The following FHIT variants were observed in gnomAD, a reference collection of about 807,000 sequenced individuals.
The protein encoded by FHIT is fragile histidine triad diadenosine triphosphatase, also known as bis(5'-adenosyl)-triphosphatase.
A neutral mutation model predicts 17.9 loss-of-function variants in FHIT; 19 were observed. The ratio of observed to expected loss-of-function variants is 1.06; its 90% CI spans 0.74 to 1.56. FHIT has a LOEUF of 1.56. Ranked by LOEUF, FHIT falls within the 40% of genes most tolerant of loss-of-function variation. The pLI is 0.00. For missense variants in FHIT, 248 were observed against 189.2 expected, an observed-to-expected ratio of 1.31 and a Z score of -1.82; for synonymous variants, 81 against 69.7, an observed-to-expected ratio of 1.16 and a Z score of -0.81.
chr3:60,951,549 G>A (rs923357811), intron 3 of FHIT, among the ~76,000 whole-genome samples: 1 of 152,188 alleles, frequency 6.6e-6, no homozygotes, highest in Non-Finnish European at 1.5e-5. Context: ...TAATGGTGAA[G>A]CCAGGACTGG....
chr3:60,996,879 T>C (rs1396749404), intron 3 of FHIT, among the ~76,000 whole-genome samples: 2 of 152,274 alleles, frequency 1.3e-5, no homozygotes, highest in African/African-American at 2.4e-5. Flanking sequence ...GTTTGGCATA[T>C]GCCGTATTTA....
chr3:60,051,063 C>A (rs917976192), intron 5 of FHIT, among the ~76,000 whole-genome samples: 4 of 152,084 alleles, frequency 2.6e-5, no homozygotes, highest in Admixed American at 2.0e-4. Context: ...AATTATAACA[C>A]GGGGCATCAA....
intron 3 of FHIT, among the ~76,000 whole-genome samples, chr3:60,939,512 C>T (rs1708323187): frequency 6.6e-6 from 1 of 152,052 alleles, no homozygotes; most frequent in African/African-American, 2.4e-5. Flanking sequence ...CACAGACTTC[C>T]TATTTTTAAA....
At chr3:59,908,569 G>A (rs1704692958) in intron 8 of FHIT, among the ~76,000 whole-genome samples, 1 of 152,114 alleles carries the variant, frequency 6.6e-6, no homozygotes, top group Admixed American at 6.5e-5. Flanking sequence ...ACAAGGACCA[G>A]GCAAAGTGGA....
intron 2 of FHIT, among the ~76,000 whole-genome samples, chr3:61,063,758 T>C (rs958505023): frequency 2.0e-5 from 3 of 152,116 alleles, no homozygotes; most frequent in African/African-American, 4.8e-5. Flanking sequence ...AATACTCTCA[T>C]GTGTGTATGT....
chr3:60,394,436 T>C (rs919642495), intron 5 of FHIT, among the ~76,000 whole-genome samples: 3 of 152,108 alleles, frequency 2.0e-5, no homozygotes, highest in African/African-American at 7.2e-5. Context: ...GGGAGCAACA[T>C]GCCCAAAATC....
intron 5 of FHIT, among the ~76,000 whole-genome samples, chr3:60,507,273 G>A (rs1466115284): frequency 1.3e-5 from 2 of 152,094 alleles, no homozygotes; most frequent in South Asian, 2.1e-4. Context: ...AACATGCAAA[G>A]GCCTATGGCT....
At chr3:59,762,517 C>T (rs1701574060) in intron 8 of FHIT, among the ~76,000 whole-genome samples, 1 of 152,048 alleles carries the variant, frequency 6.6e-6, no homozygotes, top group Non-Finnish European at 1.5e-5. Flanking sequence ...AACACTGGAT[C>T]CACTAGTGGA....
At chr3:60,606,706 C>T (rs2038619605) in intron 4 of FHIT, among the ~76,000 whole-genome samples, 1 of 152,114 alleles carries the variant, frequency 6.6e-6, no homozygotes, top group Admixed American at 6.5e-5. Context: ...GTCCTAAGCT[C>T]AGTTAATTGG....
At chr3:60,744,691 C>T (rs2042321732) in intron 4 of FHIT, among the ~76,000 whole-genome samples, 1 of 152,148 alleles carries the variant, frequency 6.6e-6, no homozygotes, top group South Asian at 2.1e-4. Flanking sequence ...GGTGTAGTTG[C>T]TGCTACAGGC....
intron 8 of FHIT, among the ~76,000 whole-genome samples, chr3:59,869,088 C>G (rs754954379): frequency 5.3e-5 from 8 of 152,134 alleles, no homozygotes; most frequent in Non-Finnish European, 1.2e-4. Context: ...AAATGAAGCA[C>G]TATTATCAGA....
intron 8 of FHIT, among the ~76,000 whole-genome samples, chr3:59,864,821 A>AG (rs1403379837): frequency 3.0e-5 from 3 of 100,256 alleles, no homozygotes; most frequent in African/African-American, 1.8e-4. Flanking sequence ...AAATTATATG[A>AG]AAGAGAGAGA....
At chr3:59,761,327 A>G (rs1701502123) in intron 8 of FHIT, among the ~76,000 whole-genome samples, 1 of 152,164 alleles carries the variant, frequency 6.6e-6, no homozygotes, top group Admixed American at 6.5e-5. Context: ...AGTAACATCC[A>G]TCTTCGTATC....
chr3:60,416,791 A>C (rs1702262177), intron 5 of FHIT, among the ~76,000 whole-genome samples: 1 of 152,150 alleles, frequency 6.6e-6, no homozygotes, highest in African/African-American at 2.4e-5. Context: ...TGTAGCGTTA[A>C]AAATCTGAGA....
chr3:60,539,687 A>G (rs1041129341), intron 4 of FHIT, among the ~76,000 whole-genome samples: 4 of 152,290 alleles, frequency 2.6e-5, no homozygotes, highest in African/African-American at 4.8e-5. Flanking sequence ...AAACTATCAC[A>G]AGGACAAAAA....
chr3:60,462,354 G>C lies in FHIT; in HGVS notation c.103+74506C>G, dbSNP rs941638938. On this transcript the variant is annotated intron_variant, in intron 5 of 9. Transcript: ENST00000492590. ...CAAGGTTGCTAAGTGGCCAAGTTTG[G>C]TTTGAAGCCAACGGTATGGCTTGAG... Among the ~76,000 whole-genome samples, 4 of 152,090 alleles carry C rather than the reference G, an allele frequency of 2.6e-5. No homozygotes were observed. In the South Asian group the frequency reaches 6.2e-4, roughly 24 times the overall value.
At chr3:60,548,235 T>G (rs146947471) in intron 4 of FHIT, among the ~76,000 whole-genome samples, 2 of 152,040 alleles carry the variant, frequency 1.3e-5, no homozygotes. Context: ...GGGCCCTGAT[T>G]TGGGAAATAC....
intron 8 of FHIT, among the ~76,000 whole-genome samples, chr3:59,918,860 G>A (rs890734741): frequency 7.9e-5 from 12 of 152,118 alleles, no homozygotes; most frequent in African/African-American, 2.9e-4. Context: ...ATACTTTGCA[G>A]GCAAAAATAA....
chr3:60,729,699 C>T (rs139375771), intron 4 of FHIT, among the ~76,000 whole-genome samples: 46 of 152,036 alleles, frequency 3.0e-4, no homozygotes, highest in African/African-American at 1.1e-3. Flanking sequence ...AGGCTTTGTG[C>T]TGATTTCCTG....
Sources: gnomAD v4.1 joint callset for allele counts (sites outside exome capture counted in the v4.1 genomes callset) on GRCh38, gnomAD v4.1.1 for gene constraint, MANE v1.5 for transcripts, NCBI Gene and HGNC (gene_info 2026-07-23, HGNC 2026-07-21) for gene names.